The following GHR variants were observed in gnomAD, a reference collection of about 807,000 sequenced individuals.
GHR encodes GH receptor.
A neutral mutation model predicts 67.1 loss-of-function variants in GHR; 35 were observed. The observed-to-expected ratio is 0.52, with a 90% CI of 0.40 to 0.69. The LOEUF (loss-of-function observed/expected upper bound fraction) is 0.69, where lower values mean the gene tolerates loss of function less well. Among genes scored for constraint, GHR ranks in the 30% least tolerant of loss-of-function variants. The pLI, the probability that GHR is intolerant of heterozygous loss-of-function variation, is 0.00. For synonymous variants in GHR, 272 were observed against 269.1 expected (o/e 1.01, Z -0.10); for missense variants, 792 against 764.6 (o/e 1.04, Z -0.42).
intron 1 of GHR, among the ~76,000 whole-genome samples, chr5:42,555,916 T>C (rs1749283311): frequency 6.6e-6 from 1 of 152,012 alleles, no homozygotes; most frequent in Admixed American, 6.6e-5. Flanking sequence ...TTTAGAAGGG[T>C]GTTCAGGTGA....
chr5:42,578,583 T>G (rs1196188653), intron 2 of GHR, among the ~76,000 whole-genome samples: 1 of 152,150 alleles, frequency 6.6e-6, no homozygotes, highest in Non-Finnish European at 1.5e-5. Flanking sequence ...TCCTTTTGAA[T>G]GAAATCAGAG....
chr5:42,558,936 T>C (rs1561121340), intron 1 of GHR, among the ~76,000 whole-genome samples: 1 of 152,244 alleles, frequency 6.6e-6, no homozygotes, highest in South Asian at 2.1e-4. Flanking sequence ...CAAGATATTT[T>C]GCATCTTTTC....
chr5:42,627,710 C>T (rs1298589845), intron 2 of GHR, among the ~76,000 whole-genome samples: 3 of 152,224 alleles, frequency 2.0e-5, no homozygotes, highest in African/African-American at 7.2e-5. Flanking sequence ...GCCCCTTGGC[C>T]CCTTAGCCCC....
intron 1 of GHR, chr5:42,468,568 CACCATGG>C: frequency 1.1e-6 from 1 of 909,136 alleles, no homozygotes; most frequent in Non-Finnish European, 1.7e-6. Context: ...CTTTCTTAAG[CACCATGG>C]ACGGCTGCGT....
intron 1 of GHR, among the ~76,000 whole-genome samples, chr5:42,431,386 T>G (rs897667441): frequency 6.6e-6 from 1 of 152,166 alleles, no homozygotes; most frequent in African/African-American, 2.4e-5. Context: ...AAGTCATTGT[T>G]TTTTAGTCTC....
chr5:42,463,444 G>A (rs560494142), intron 1 of GHR, among the ~76,000 whole-genome samples: 52 of 152,296 alleles, frequency 3.4e-4, no homozygotes, highest in Non-Finnish European at 6.6e-4. Flanking sequence ...ATTAGCAGCA[G>A]TATAAACATA....
intron 1 of GHR, among the ~76,000 whole-genome samples, chr5:42,458,866 C>T (rs560049573): frequency 6.6e-6 from 1 of 152,100 alleles, no homozygotes; most frequent in African/African-American, 2.4e-5. Context: ...TACATGTGGC[C>T]AACAAGCATA....
At chr5:42,570,791 A>C (rs1363062714) in intron 2 of GHR, among the ~76,000 whole-genome samples, 1 of 152,206 alleles carries the variant, frequency 6.6e-6, no homozygotes, top group Admixed American at 6.5e-5. Context: ...TTAGATTATT[A>C]AAGGGTTTTA....
intron 3 of GHR, among the ~76,000 whole-genome samples, chr5:42,656,193 G>A (rs1755245921): frequency 6.6e-6 from 1 of 152,078 alleles, no homozygotes; most frequent in South Asian, 2.1e-4. Flanking sequence ...TCCTCTCATA[G>A]CAAATGCAAC....
chr5:42,705,675 A>G (rs1758141841), intron 6 of GHR, among the ~76,000 whole-genome samples: 1 of 152,034 alleles, frequency 6.6e-6, no homozygotes. Flanking sequence ...CTGTTCATGC[A>G]TTAGTGTGCT....
intron 3 of GHR, among the ~76,000 whole-genome samples, chr5:42,660,570 C>T (rs1424953116): frequency 6.6e-6 from 1 of 152,124 alleles, no homozygotes; most frequent in Non-Finnish European, 1.5e-5. Context: ...AGAAGGAAAA[C>T]TAACAAACAG....
At chr5:42,459,366 C>T (rs920255890) in intron 1 of GHR, among the ~76,000 whole-genome samples, 3 of 152,148 alleles carry the variant, frequency 2.0e-5, no homozygotes, top group African/African-American at 7.2e-5. Flanking sequence ...TTTGCAGCAA[C>T]ATGGATGAAG....
At chr5:42,493,675 A>G (rs886456644) in intron 1 of GHR, among the ~76,000 whole-genome samples, 2 of 152,212 alleles carry the variant, frequency 1.3e-5, no homozygotes, top group Admixed American at 1.3e-4. Context: ...AAATATTTCT[A>G]AAAGTTCAAC....
rs1758957524 is a variant in GHR, at chr5:42,720,309, A to G, written c.*885A>G. 1 of 152,158 alleles carries G rather than the reference A, an allele frequency of 6.6e-6. No homozygotes were observed. Among genetic ancestry groups the G allele is most frequent in the African/African-American group, 2.4e-5 (1 of 41,420 alleles). The allele number at this position is 152,158 out of a possible 1,614,324, so 9.4% of individuals were successfully genotyped here. ...AAAAGAAGTAAAAGCAAAAAAGAAA[A>G]CCTTTCTTCACCAAATCTTGGTTGA... On this transcript the variant is annotated 3_prime_UTR_variant, in exon 10 of 10. Transcript: ENST00000230882.
chr5:42,582,617 G>A (rs555254023), intron 2 of GHR, among the ~76,000 whole-genome samples: 5 of 152,270 alleles, frequency 3.3e-5, no homozygotes, highest in South Asian at 2.1e-4. Flanking sequence ...GCTGTAACAC[G>A]AACAGGGCTG....
intron 1 of GHR, among the ~76,000 whole-genome samples, chr5:42,546,085 G>T (rs962928459): frequency 1.3e-5 from 2 of 152,148 alleles, no homozygotes; most frequent in African/African-American, 4.8e-5. Context: ...ATATCAGAAT[G>T]CCATGTGTTC....
intron 3 of GHR, among the ~76,000 whole-genome samples, chr5:42,639,684 A>C (rs975892120): frequency 1.3e-5 from 2 of 152,204 alleles, no homozygotes; most frequent in African/African-American, 4.8e-5. Flanking sequence ...TTACTCTGAC[A>C]GAAGTTTTTC....
intron 2 of GHR, among the ~76,000 whole-genome samples, chr5:42,582,260 G>T (rs1378618096): frequency 1.3e-5 from 2 of 152,258 alleles, no homozygotes; most frequent in African/African-American, 4.8e-5. Context: ...TCAAGCCAGG[G>T]ATGGCCGGAA....
intron 4 of GHR, among the ~76,000 whole-genome samples, chr5:42,693,042 T>C (rs1254473824): frequency 2.6e-5 from 4 of 151,826 alleles, no homozygotes; most frequent in African/African-American, 7.3e-5. Context: ...CATACACACA[T>C]ACTTACACAC....
Sources: gnomAD v4.1 joint callset for allele counts (sites outside exome capture counted in the v4.1 genomes callset) on GRCh38, gnomAD v4.1.1 for gene constraint, MANE v1.5 for transcripts, NCBI Gene and HGNC (gene_info 2026-07-23, HGNC 2026-07-21) for gene names.